Variants in TEAD1 observed in about 807,000 individuals in gnomAD.
TEAD1 encodes TEA domain transcription factor 1, also known as transcriptional enhancer factor TEF-1.
TEAD1 carries 9 observed loss-of-function variants against 54.9 expected under a neutral mutation model. That is an observed-to-expected ratio of 0.16 (90% CI 0.10 to 0.29). The LOEUF (loss-of-function observed/expected upper bound fraction) is 0.29, where lower values mean the gene tolerates loss of function less well. Among genes scored for constraint, TEAD1 ranks in the 10% least tolerant of loss-of-function variants. The pLI, the probability that TEAD1 is intolerant of heterozygous loss-of-function variation, is 1.00. For missense variants in TEAD1, 387 were observed against 535.9 expected, an observed-to-expected ratio of 0.72 and a Z score of 2.74; for synonymous variants, 200 against 187.8, an observed-to-expected ratio of 1.07 and a Z score of -0.53.
In TEAD1 at chr11:12,814,775, CTCTGTGTGTGTGTGTGTG is replaced by C. The variant is rs1227195803; in HGVS notation, c.203-47473_203-47456del. Among the ~76,000 whole-genome samples the C allele has an allele frequency of 6.9e-3, 983 of 142,230 alleles. 25 individuals carry two copies. Among genetic ancestry groups the C allele is most frequent in the South Asian group, 0.016 (69 of 4,282 alleles). 93.3% of individuals were successfully genotyped at this position (142,230 alleles called of 152,430 possible). On this transcript the variant is annotated intron_variant, in intron 3 of 12. Coordinates refer to ENST00000527636, the MANE Select transcript of TEAD1 (RefSeq NM_021961.6). ...CCAGCCACCCCTGACCATCGCAGAGCTCTGTGTGTGTGTGTGTGTGTGTGTGTGTGTGTGTGTGTGTGT... is the reference window on the plus strand; with the variant it reads ...CCAGCCACCCCTGACCATCGCAGAGCTGTGTGTGTGTGTGTGTGTGTGTGT...
At chr11:12,681,533 T>C (rs1943221031) in intron 2 of TEAD1, among the ~76,000 whole-genome samples, 1 of 152,224 alleles carries the variant, frequency 6.6e-6, no homozygotes, top group East Asian at 1.9e-4. Flanking sequence ...AAGTGTCCAG[T>C]GAAGCTGAAG....
chr11:12,693,681 G>T (rs1943514190), intron 2 of TEAD1, among the ~76,000 whole-genome samples: 1 of 152,110 alleles, frequency 6.6e-6, no homozygotes, highest in South Asian at 2.1e-4. Context: ...GGTAACCGTT[G>T]TCCTCCTGTT....
chr11:12,913,172 A>C (rs1948647061), intron 10 of TEAD1, among the ~76,000 whole-genome samples: 1 of 152,218 alleles, frequency 6.6e-6, no homozygotes. Flanking sequence ...TCAGTTGCTT[A>C]AAACTGAACC....
At chr11:12,774,607 A>G (rs908873163) in intron 3 of TEAD1, among the ~76,000 whole-genome samples, 1 of 152,200 alleles carries the variant, frequency 6.6e-6, no homozygotes, top group African/African-American at 2.4e-5. Context: ...TTATAGTTAC[A>G]TGGGCCAGCC....
chr11:12,887,868 G>C (rs536769803), intron 9 of TEAD1, among the ~76,000 whole-genome samples: 5 of 152,180 alleles, frequency 3.3e-5, no homozygotes, highest in African/African-American at 1.2e-4. Flanking sequence ...ATAATTAAAG[G>C]GCCCTAAGTA....
intron 2 of TEAD1, among the ~76,000 whole-genome samples, chr11:12,759,057 T>G (rs1945048965): frequency 6.6e-6 from 1 of 152,098 alleles, no homozygotes; most frequent in African/African-American, 2.4e-5. Context: ...TTTTTTTTTT[T>G]GGTGATCGTT....
chr11:12,935,023 ATACT>A (rs1949074107), intron 12 of TEAD1, among the ~76,000 whole-genome samples: 2 of 152,158 alleles, frequency 1.3e-5, no homozygotes, highest in Admixed American at 6.5e-5. Flanking sequence ...CCATGGGTAC[ATACT>A]TAGGTACCAG....
chr11:12,838,184 G>T (rs1012556486), intron 3 of TEAD1, among the ~76,000 whole-genome samples: 2 of 152,194 alleles, frequency 1.3e-5, no homozygotes, highest in East Asian at 1.9e-4. Context: ...TCTGGGTTCT[G>T]TGTTAATACG....
chr11:12,887,099 T>G (rs1201739828), intron 9 of TEAD1, among the ~76,000 whole-genome samples: 6 of 147,182 alleles, frequency 4.1e-5, no homozygotes, highest in African/African-American at 1.0e-4. Context: ...TTTTGTTTGT[T>G]TTTTTTTTTT....
intron 5 of TEAD1, among the ~76,000 whole-genome samples, chr11:12,875,237 T>A (rs1947831397): frequency 6.6e-6 from 1 of 152,222 alleles, no homozygotes; most frequent in African/African-American, 2.4e-5. Flanking sequence ...CCTCCTCCCC[T>A]TTAGAGTGAG....
intron 2 of TEAD1, 125 bp from the exon 3 acceptor site, chr11:12,764,054 A>AAAAAGACTGAAATAAT: frequency 1.5e-6 from 1 of 675,092 alleles, no homozygotes; most frequent in Non-Finnish European, 2.4e-6. Flanking sequence ...GTGTATCCCC[A>AAAAAGACTGAAATAAT]AAAAGACTGA....
At chr11:12,780,218 TAAA>T (rs969103109) in intron 3 of TEAD1, among the ~76,000 whole-genome samples, 1 of 151,452 alleles carries the variant, frequency 6.6e-6, no homozygotes, top group Non-Finnish European at 1.5e-5. Context: ...GATAAATACA[TAAA>T]AATATAAAAC....
intron 2 of TEAD1, among the ~76,000 whole-genome samples, chr11:12,675,766 A>G (rs565936265): frequency 3.9e-5 from 6 of 152,388 alleles, no homozygotes; most frequent in Non-Finnish European, 7.3e-5. Context: ...AATCAAAGCA[A>G]TATTTTTAAT....
chr11:12,707,410 T>TG (rs1328989164), intron 2 of TEAD1, among the ~76,000 whole-genome samples: 1 of 152,208 alleles, frequency 6.6e-6, no homozygotes, highest in Non-Finnish European at 1.5e-5. Context: ...TCACGTTTAA[T>TG]GGTGGCACTT....
chr11:12,897,668 T>C (rs1948338819), intron 9 of TEAD1, among the ~76,000 whole-genome samples: 1 of 152,222 alleles, frequency 6.6e-6, no homozygotes, highest in Admixed American at 6.5e-5. Context: ...CCTTCTCTAT[T>C]CATTTCAGCC....
At chr11:12,700,994 A>G (rs956092972) in intron 2 of TEAD1, among the ~76,000 whole-genome samples, 5 of 152,220 alleles carry the variant, frequency 3.3e-5, no homozygotes, top group Admixed American at 6.5e-5. Flanking sequence ...CTGCTCTAGC[A>G]CAGTCATGCT....
At chr11:12,906,165 T>A (rs751757337) in intron 10 of TEAD1, among the ~76,000 whole-genome samples, 1 of 152,060 alleles carries the variant, frequency 6.6e-6, no homozygotes, top group Non-Finnish European at 1.5e-5. Flanking sequence ...AAAGCCCGTA[T>A]GAATGGCTGT....
intron 5 of TEAD1, among the ~76,000 whole-genome samples, chr11:12,869,931 G>A (rs1947705007): frequency 6.6e-6 from 1 of 151,998 alleles, no homozygotes. Context: ...CCGGGCGGGA[G>A]TGCAGTGGCG....
intron 11 of TEAD1, among the ~76,000 whole-genome samples, chr11:12,926,249 G>A (rs1419947994): frequency 2.0e-5 from 3 of 152,134 alleles, no homozygotes; most frequent in African/African-American, 7.2e-5. Context: ...TGAGGATTTG[G>A]GATGCTGCAG....
Sources: allele counts gnomAD v4.1 joint callset (sites outside exome capture counted in the v4.1 genomes callset), GRCh38; gene constraint gnomAD v4.1.1; transcripts MANE v1.5; gene names NCBI Gene and HGNC (gene_info 2026-07-23, HGNC 2026-07-21).